ATP2C2: variants seen among roughly 807,000 people sequenced by gnomAD.
The protein encoded by ATP2C2 is ATPase secretory pathway Ca2+ transporting 2.
ATP2C2 carries 171 observed loss-of-function variants against 110.8 expected under a neutral mutation model. That is an observed-to-expected ratio of 1.54 (90% CI 1.36 to 1.75). The LOEUF (loss-of-function observed/expected upper bound fraction) is 1.75, where lower values mean the gene tolerates loss of function less well. Among genes scored for constraint, ATP2C2 ranks in the 40% most tolerant of loss-of-function variants. The pLI is 0.00. For missense variants in ATP2C2, 1,963 were observed against 1,235.0 expected (o/e 1.59, Z -8.84); for synonymous variants, 804 against 508.4 (o/e 1.58, Z -7.82).
rs11286978 is a variant in ATP2C2 at position 84,426,051 on chromosome 16, T to TA, written c.986+264dup. On this transcript the variant is annotated intron_variant, in intron 11 of 26. Coordinates refer to ENST00000262429, the MANE Select transcript of ATP2C2 (RefSeq NM_014861.4). The stretch of plus-strand genomic sequence containing the variant: ...TTGTATTAGGCTGTTCTTGCATTGC[T>TA]AAAAAAAAAAAAAATACCTGAGGCT... 1,254 of 359,284 alleles carry TA rather than the reference T, an allele frequency of 3.5e-3. 9 individuals are homozygous for TA. Among genetic ancestry groups the TA allele is most frequent in the African/African-American group, 0.016 (738 of 47,304 alleles). The allele number at this position is 359,284 out of a possible 1,614,324, so 22.3% of individuals were successfully genotyped here.
Position 84,425,781 on chromosome 16 carries a change from T to C in ATP2C2, c.966T>C (p.Ser322=), listed in dbSNP as rs1367898392. Residue 322 remains serine (S), a synonymous_variant, in exon 11 of 27, where the codon AGT becomes AGC. Transcript: ENST00000262429. ...GGTCGCAAGGGAAACAACTCCTGAGTATGTTCACGATCGGGGTCAGGTAAG... is the reference window on the plus strand; with the variant it reads ...GGTCGCAAGGGAAACAACTCCTGAGCATGTTCACGATCGGGGTCAGGTAAG... The part of the protein sequence containing the change: ...IGWSQGKQLL[S]MFTIGVSLAV... The C allele has an allele frequency of 1.2e-6, 2 of 1,613,938 alleles. No individual in the cohort carries two copies. Among genetic ancestry groups the C allele is most frequent in the Non-Finnish European group, 1.7e-6 (2 of 1,180,026 alleles).
intron 17 of ATP2C2, among the ~76,000 whole-genome samples, chr16:84,450,599 GA>G (rs1330741113): frequency 6.6e-6 from 1 of 152,132 alleles, no homozygotes; most frequent in Non-Finnish European, 1.5e-5. Context: ...AAAAGGGGAG[GA>G]AGGGCGCCAG....
chr16:84,419,477 G>C (rs772597845), intron 7 of ATP2C2, among the ~76,000 whole-genome samples: 1 of 152,098 alleles, frequency 6.6e-6, no homozygotes, highest in South Asian at 2.1e-4. Flanking sequence ...TTCTCCCCAC[G>C]CCAAGGTCCT....
chr16:84,371,465 A>T (rs1909950540), intron 1 of ATP2C2, among the ~76,000 whole-genome samples: 1 of 152,184 alleles, frequency 6.6e-6, no homozygotes, highest in Admixed American at 6.5e-5. Flanking sequence ...TGATCATGCC[A>T]CTGTGCTCCA....
intron 23 of ATP2C2, chr16:84,459,950 G>C: frequency 3.7e-6 from 1 of 267,002 alleles, no homozygotes; most frequent in Non-Finnish European, 7.4e-6. Context: ...CTGGCCAAGT[G>C]GTGTGGGGGA....
chr16:84,462,719 G>A (rs184940608), intron 26 of ATP2C2: 2 of 153,152 alleles, frequency 1.3e-5, no homozygotes, highest in Admixed American at 6.5e-5. Flanking sequence ...GGGAGCCAGG[G>A]ACAAGTCATC....
chr16:84,397,618 G>A (rs1299103555), intron 1 of ATP2C2, among the ~76,000 whole-genome samples: 4 of 124,182 alleles, frequency 3.2e-5, no homozygotes, highest in Middle Eastern at 6.3e-3. Flanking sequence ...AGGCTGCAGT[G>A]AGCTATGATT....
At chr16:84,447,704 AAT>A (rs1164592989) in intron 16 of ATP2C2, among the ~76,000 whole-genome samples, 4 of 142,374 alleles carry the variant, frequency 2.8e-5, no homozygotes, top group East Asian at 2.0e-4. Flanking sequence ...TATATTATGT[AAT>A]ATATATTATA....
intron 1 of ATP2C2, among the ~76,000 whole-genome samples, chr16:84,396,704 A>G (rs899102828): frequency 6.6e-6 from 1 of 151,868 alleles, no homozygotes; most frequent in African/African-American, 2.4e-5. Context: ...TTTATTTGGT[A>G]CGACGGGAGC....
intron 2 of ATP2C2, among the ~76,000 whole-genome samples, chr16:84,399,933 G>C (rs751380505): frequency 6.6e-6 from 1 of 152,062 alleles, no homozygotes; most frequent in Non-Finnish European, 1.5e-5. Flanking sequence ...CCAGGCCCTG[G>C]TAACCATCCT....
chr16:84,391,080 C>T (rs1441281224), intron 1 of ATP2C2, among the ~76,000 whole-genome samples: 1 of 141,980 alleles, frequency 7.0e-6, no homozygotes, highest in East Asian at 2.1e-4. Flanking sequence ...CACTGCTGCA[C>T]TCCAGCCTGG....
At chr16:84,369,340 C>G (rs1323486844) in intron 1 of ATP2C2, among the ~76,000 whole-genome samples, 1 of 152,160 alleles carries the variant, frequency 6.6e-6, no homozygotes, top group African/African-American at 2.4e-5. Context: ...AATAAAGCCC[C>G]TCCTGTTCCT....
At chr16:84,377,860 C>T (rs1910338389) in intron 1 of ATP2C2, among the ~76,000 whole-genome samples, 1 of 152,102 alleles carries the variant, frequency 6.6e-6, no homozygotes, top group Admixed American at 6.6e-5. Context: ...GGCTGCAGCC[C>T]CTCTGGAAAT....
intron 1 of ATP2C2, among the ~76,000 whole-genome samples, chr16:84,381,598 A>T (rs942809888): frequency 2.6e-5 from 4 of 151,994 alleles, no homozygotes; most frequent in South Asian, 2.1e-4. Flanking sequence ...AAAATATTTA[A>T]AAAAAAATTA....
At chr16:84,440,732 T>G in intron 13 of ATP2C2, 125 bp from the exon 14 acceptor site, 1 of 704,456 alleles carries the variant, frequency 1.4e-6, no homozygotes, top group Non-Finnish European at 2.5e-6. Context: ...ATCTTCATAC[T>G]GAAAGCCCTG....
rs776593054 is a variant in ATP2C2 at position 84,439,177 on chromosome 16, C to T, written c.998C>T (p.Ala333Val). 8.7e-6 allele frequency: 14 copies of T among 1,612,062 alleles called. No homozygotes were observed. In the East Asian group the frequency reaches 1.1e-4, roughly 13 times the overall value. Residue 333 changes from alanine to valine, a missense_variant, in exon 12 of 27, where the codon GCG (alanine) becomes GTG (valine). Physicochemically the swap from Ala to Val is moderately conservative, Grantham distance 64 (BLOSUM62 0). Transcript: ENST00000262429. ...ACCTTTCGATCCAGCCTGGCTGTGG[C>T]GGCCATTCCAGAGGGTCTGCCCATC... ...MFTIGVSLAVAAIPEGLPIVV... is the reference protein window; with the variant it reads ...MFTIGVSLAVVAIPEGLPIVV...
chr16:84,439,172 T>C lies in ATP2C2; in HGVS notation c.993T>C (p.Ala331=). The change falls in exon 12 of 27, where the codon GCT becomes GCC. Residue 331 remains alanine (A), a synonymous_variant. Transcript: ENST00000262429. ...ATTTGACCTTTCGATCCAGCCTGGC[T>C]GTGGCGGCCATTCCAGAGGGTCTGC... ...LSMFTIGVSL[A]VAAIPEGLPI... 1 of 1,612,226 alleles carries C rather than the reference T, an allele frequency of 6.2e-7. No individual in the cohort carries two copies.
At chr16:84,460,178 T>C (rs1467225175) in intron 23 of ATP2C2, 3 of 207,136 alleles carry the variant, frequency 1.4e-5, no homozygotes, top group Non-Finnish European at 3.0e-5. Context: ...GAAGCTGGCC[T>C]CAGCTGTGTC....
intron 1 of ATP2C2, among the ~76,000 whole-genome samples, chr16:84,371,525 A>G (rs988887360): frequency 6.6e-6 from 1 of 152,198 alleles, no homozygotes; most frequent in Non-Finnish European, 1.5e-5. Context: ...AACAACAAAA[A>G]GGTCTTTGAG....
Sources: allele counts gnomAD v4.1 joint callset (sites outside exome capture counted in the v4.1 genomes callset), GRCh38; gene constraint gnomAD v4.1.1; transcripts MANE v1.5; gene names NCBI Gene and HGNC (gene_info 2026-07-23, HGNC 2026-07-21).